Variants in WDR5B observed in about 807,000 individuals in gnomAD.
WDR5B encodes WD repeat-containing protein 5B.
In WDR5B, 17 loss-of-function variants were observed where a neutral mutation model predicts 24.0. The ratio of observed to expected loss-of-function variants is 0.71; its 90% CI spans 0.49 to 1.06. WDR5B has a LOEUF of 1.06. Ranked by LOEUF, WDR5B falls within the 50% of genes least tolerant of loss-of-function variation. The probability of loss-of-function intolerance (pLI) is 0.00; values close to 1 mark genes in which losing one functional copy is unlikely to be tolerated. For synonymous variants in WDR5B, 150 were observed against 146.4 expected, an observed-to-expected ratio of 1.02 and a Z score of -0.18; for missense variants, 368 against 384.1, an observed-to-expected ratio of 0.96 and a Z score of 0.35.
rs774422817 is a variant in WDR5B, at chr3:122,414,789, G to A, written c.740C>T (p.Thr247Ile). 6.2e-7 allele frequency: 1 copy of A among 1,614,156 alleles called. No individual in the cohort carries two copies. Among genetic ancestry groups the A allele is most frequent in the Non-Finnish European group, 8.5e-7 (1 of 1,180,030 alleles). ...WDYSRGRCLK[T>I]YTGHKNEKYC... ...TTTCTCATTCTTATGACCAGTGTAT[G>A]TTTTCAGGCACCTGCCTCTGCTATA... Residue 247 changes from threonine to isoleucine, a missense_variant, in exon 1 of 1, where the codon ACA becomes ATA. Physicochemically the swap from Thr to Ile is moderately conservative, Grantham distance 89 (BLOSUM62 -1). Coordinates refer to ENST00000330689, the MANE Select transcript of WDR5B (RefSeq NM_019069.4).
rs1245678661 is a variant in WDR5B at position 122,411,976 on chromosome 3, C to G, written c.*2560G>C. 1 of 152,202 alleles carries G rather than the reference C, an allele frequency of 6.6e-6. No homozygotes were observed. Among genetic ancestry groups the G allele is most frequent in the African/African-American group, 2.4e-5 (1 of 41,450 alleles). 9.4% of individuals were successfully genotyped at this position (152,202 alleles called of 1,614,324 possible). On this transcript the variant is annotated 3_prime_UTR_variant, in exon 1 of 1. Coordinates refer to ENST00000330689, the MANE Select transcript of WDR5B (RefSeq NM_019069.4). ...ATTTGATAACATATAGTGACTATCT[C>G]TTTATGGGTTAAATATCAGTTTCTT... is the stretch of plus-strand genomic sequence containing the variant.
rs746107404 is a variant in WDR5B at position 122,415,330 on chromosome 3, T to C, written c.199A>G (p.Ile67Val). 1 of 1,614,230 alleles carries C rather than the reference T, an allele frequency of 6.2e-7. No individual in the cohort carries two copies. Among genetic ancestry groups the C allele is most frequent in the Admixed American group, 1.7e-5 (1 of 60,026 alleles). ...ASSSADRLIIIWGAYDGKYEK... is the reference protein window; with the variant it reads ...ASSSADRLIIVWGAYDGKYEK... Reference sequence around the variant, plus strand: ...TATTTTCCATCATATGCTCCCCAAATTATGATTAGCCTATCAGCAGAAGAA... The same window carrying C: ...TATTTTCCATCATATGCTCCCCAAACTATGATTAGCCTATCAGCAGAAGAA... Residue 67 changes from isoleucine to valine, a missense_variant, in exon 1 of 1, where the codon ATT becomes GTT. By Grantham distance (29) the Ile-to-Val change is conservative. Coordinates refer to ENST00000330689, the MANE Select transcript of WDR5B (RefSeq NM_019069.4).
In WDR5B at chr3:122,414,474, C is replaced by T. The variant is rs6777596; in HGVS notation, c.*62G>A. 224,213 of 1,515,672 alleles carry T rather than the reference C, an allele frequency of 0.15. 18,067 individuals are homozygous for T. The highest frequency in any genetic ancestry group is 0.33 in the East Asian group (14,490 of 43,794). 93.9% of individuals were successfully genotyped at this position (1,515,672 alleles called of 1,614,324 possible). A position where few individuals can be genotyped will look rare whatever the true frequency, so the allele number is the denominator to read the frequency against. On this transcript the variant is annotated 3_prime_UTR_variant, in exon 1 of 1. Transcript: ENST00000330689. Reference sequence around the variant, plus strand: ...CCAAACTGCCAAAATTAAAAGAAACCGTCTTTTTAAATATCCAAGTTTTTT... The same window carrying T: ...CCAAACTGCCAAAATTAAAAGAAACTGTCTTTTTAAATATCCAAGTTTTTT...
In WDR5B at chr3:122,414,152, G is replaced by A. The variant is rs765340745; in HGVS notation, c.*384C>T. On this transcript the variant is annotated 3_prime_UTR_variant, in exon 1 of 1. Transcript: ENST00000330689. ...AGATAAACAATGTGTACACCTGGAC[G>A]TGGAGAGCAGAATCATAGACACTAG... is the stretch of plus-strand genomic sequence containing the variant. 9 of 189,476 alleles carry A rather than the reference G, an allele frequency of 4.7e-5. No homozygotes were observed. The highest frequency in any genetic ancestry group is 1.1e-4 in the Admixed American group (2 of 17,864). The allele number at this position is 189,476 out of a possible 1,614,324, so 11.7% of individuals were successfully genotyped here.
rs1217647196 is a variant in WDR5B, at chr3:122,415,860, CA to C, written c.-333del. On this transcript the variant is annotated 5_prime_UTR_variant, in exon 1 of 1. Coordinates refer to ENST00000330689, the MANE Select transcript of WDR5B (RefSeq NM_019069.4). ...GGGGCGACGCGAGGGGCACTCTCTA[CA>C]GAAAGTATTCTTTCACCGCCGCCCC... The C allele has an allele frequency of 4.1e-6, 1 of 241,012 alleles. No homozygotes were observed. The highest frequency in any genetic ancestry group is 8.6e-6 in the Non-Finnish European group (1 of 115,866). 14.9% of individuals were successfully genotyped at this position (241,012 alleles called of 1,614,324 possible).
chr3:122,414,942 G>T lies in WDR5B; in HGVS notation c.587C>A (p.Ala196Asp). The change falls in exon 1 of 1, where the codon GCT becomes GAT. Residue 196 changes from alanine to aspartate, a missense_variant. Coordinates refer to ENST00000330689, the MANE Select transcript of WDR5B (RefSeq NM_019069.4). ...CGTTTTTAAACACTGACCTGATGCAGCATCCCAGATTCTACAGAGGCCATC... is the reference window on the plus strand; with the variant it reads ...CGTTTTTAAACACTGACCTGATGCATCATCCCAGATTCTACAGAGGCCATC... ...SYDGLCRIWDAASGQCLKTLV... is the reference protein window; with the variant it reads ...SYDGLCRIWDDASGQCLKTLV... 1 of 1,614,156 alleles carries T rather than the reference G, an allele frequency of 6.2e-7. No homozygotes were observed. Among genetic ancestry groups the T allele is most frequent in the Non-Finnish European group, 8.5e-7 (1 of 1,180,034 alleles).
In WDR5B at chr3:122,412,858, C is replaced by A. The variant is rs2075711908; in HGVS notation, c.*1678G>T. 1 of 152,078 alleles carries A rather than the reference C, an allele frequency of 6.6e-6. No individual in the cohort carries two copies. The highest frequency in any genetic ancestry group is 2.1e-4 in the South Asian group (1 of 4,820). The allele number at this position is 152,078 out of a possible 1,614,324, so 9.4% of individuals were successfully genotyped here. A position where few individuals can be genotyped will look rare whatever the true frequency, so the allele number is the denominator to read the frequency against. On this transcript the variant is annotated 3_prime_UTR_variant, in exon 1 of 1. Coordinates refer to ENST00000330689, the MANE Select transcript of WDR5B (RefSeq NM_019069.4). ...ATGAACCTAACCTTGGCGTATTTTT[C>A]CGGTTTTTTTCTATGGACCATTTCA...
chr3:122,415,298 T>A lies in WDR5B; in HGVS notation c.231A>T (p.Lys77Asn), dbSNP rs1301871437. ...IWGAYDGKYE[K>N]TLYGHNLEIS... ...TTTCCAAATTATGACCATAGAGTGT[T>A]TTCTCATATTTTCCATCATATGCTC... is the stretch of plus-strand genomic sequence containing the variant. Residue 77 changes from lysine (K) to asparagine (N), a missense_variant, in exon 1 of 1, where the codon AAA (lysine) becomes AAT (asparagine). Coordinates refer to ENST00000330689, the MANE Select transcript of WDR5B (RefSeq NM_019069.4). The A allele has an allele frequency of 6.8e-6, 11 of 1,614,202 alleles. No homozygotes were observed. The highest frequency in any genetic ancestry group is 9.3e-6 in the Non-Finnish European group (11 of 1,180,042).
In WDR5B at chr3:122,415,348, CAGA is replaced by C. The variant is rs1232871066; in HGVS notation, c.178_180del (p.Ser60del). 8 of 1,614,240 alleles carry C rather than the reference CAGA, an allele frequency of 5.0e-6. No individual in the cohort carries two copies. The highest frequency in any genetic ancestry group is 4.0e-5 in the African/African-American group (3 of 75,058). On this transcript the variant is annotated inframe_deletion, in exon 1 of 1. Coordinates refer to ENST00000330689, the MANE Select transcript of WDR5B (RefSeq NM_019069.4). ...CCCCAAATTATGATTAGCCTATCAG[CAGA>C]AGAACTTGCTAGCCATTCTCCATTA... is the stretch of plus-strand genomic sequence containing the variant.
chr3:122,412,464 A>C lies in WDR5B; in HGVS notation c.*2072T>G, dbSNP rs1450338145. The C allele has an allele frequency of 6.6e-6, 1 of 152,242 alleles. No homozygotes were observed. The highest frequency in any genetic ancestry group is 6.5e-5 in the Admixed American group (1 of 15,286). The allele number at this position is 152,242 out of a possible 1,614,324, so 9.4% of individuals were successfully genotyped here. A position where few individuals can be genotyped will look rare whatever the true frequency, so the allele number is the denominator to read the frequency against. On this transcript the variant is annotated 3_prime_UTR_variant, in exon 1 of 1. Transcript: ENST00000330689. ...ACTTGAGTCCCTTTACTACACAAAA[A>C]AGCCAAAGAATACAAGAATACAGAG...
At position 122,413,327 on chromosome 3, in the gene WDR5B, G is replaced by A. The variant is rs1412570136; in HGVS notation, c.*1209C>T. The A allele has an allele frequency of 6.6e-6, 1 of 152,260 alleles. No homozygotes were observed. Among genetic ancestry groups the A allele is most frequent in the Non-Finnish European group, 1.5e-5 (1 of 68,076 alleles). The allele number at this position is 152,260 out of a possible 1,614,324, so 9.4% of individuals were successfully genotyped here. On this transcript the variant is annotated 3_prime_UTR_variant, in exon 1 of 1. Transcript: ENST00000330689. ...GCTATTATTAAAAAGTCAAAAAATG[G>A]CTGGGTACAGTGGCTCATGCCTGTA... is the stretch of plus-strand genomic sequence containing the variant.
chr3:122,415,663 A>G lies in WDR5B; in HGVS notation c.-135T>C, dbSNP rs1447587707. ...AAAATGTACAGTTTTGAAAGCTTAA[A>G]GTTTCTGGACAGTCTTTAAACTGTG... is the stretch of plus-strand genomic sequence containing the variant. On this transcript the variant is annotated 5_prime_UTR_variant, in exon 1 of 1. Coordinates refer to ENST00000330689, the MANE Select transcript of WDR5B (RefSeq NM_019069.4). 2 of 1,190,432 alleles carry G rather than the reference A, an allele frequency of 1.7e-6. No homozygotes were observed. Among genetic ancestry groups the G allele is most frequent in the African/African-American group, 3.1e-5 (2 of 64,986 alleles). 73.7% of individuals were successfully genotyped at this position (1,190,432 alleles called of 1,614,324 possible).
At position 122,415,333 on chromosome 3, in the gene WDR5B, T is replaced by C. The variant is rs1245462011; in HGVS notation, c.196A>G (p.Ile66Val). Residue 66 changes from isoleucine to valine, a missense_variant, in exon 1 of 1, where the codon ATA (isoleucine) becomes GTA (valine). Coordinates refer to ENST00000330689, the MANE Select transcript of WDR5B (RefSeq NM_019069.4). ...TTTCCATCATATGCTCCCCAAATTA[T>C]GATTAGCCTATCAGCAGAAGAACTT... ...LASSSADRLI[I>V]IWGAYDGKYE... 6.2e-7 allele frequency: 1 copy of C among 1,614,264 alleles called. No homozygotes were observed. The highest frequency in any genetic ancestry group is 1.3e-5 in the African/African-American group (1 of 75,066).
In WDR5B at chr3:122,414,702, T is replaced by C. The variant is rs780599908; in HGVS notation, c.827A>G (p.Asp276Gly). The C allele has an allele frequency of 3.7e-6, 6 of 1,614,222 alleles. No homozygotes were observed. Among genetic ancestry groups the C allele is most frequent in the Non-Finnish European group, 5.1e-6 (6 of 1,180,040 alleles). Reference protein sequence around the residue: ...GGKWIVSGSEDNLVYIWNLQT... With the variant: ...GGKWIVSGSEGNLVYIWNLQT... Reference sequence around the variant, plus strand: ...AAGGTTCCAAATGTAAACCAGGTTATCCTCGGAACCAGACACAATCCACTT... The same window carrying C: ...AAGGTTCCAAATGTAAACCAGGTTACCCTCGGAACCAGACACAATCCACTT... Residue 276 changes from aspartate (D) to glycine (G), a missense_variant, in exon 1 of 1, where the codon GAT becomes GGT. Physicochemically the swap from Asp to Gly is moderately conservative, Grantham distance 94. Transcript: ENST00000330689.
Position 122,415,406 on chromosome 3 carries a change from C to A in WDR5B, c.123G>T (p.Thr41=), listed in dbSNP as rs1432860056. 1.9e-6 allele frequency: 3 copies of A among 1,614,106 alleles called. No individual in the cohort carries two copies. Among genetic ancestry groups the A allele is most frequent in the Middle Eastern group, 1.6e-4 (1 of 6,084 alleles). The change falls in exon 1 of 1, where the codon ACG becomes ACT. Residue 41 remains threonine, a synonymous_variant. Transcript: ENST00000330689. ...YALKCTLVGH[T]EAVSSVKFSP... ...TAAACTTAACTGATGACACTGCTTC[C>A]GTGTGTCCCACAAGAGTACATTTGA...
rs1553777913 is a variant in WDR5B, at chr3:122,412,142, T to C, written c.*2394A>G. 1 of 152,170 alleles carries C rather than the reference T, an allele frequency of 6.6e-6. No homozygotes were observed. Among genetic ancestry groups the C allele is most frequent in the Non-Finnish European group, 1.5e-5 (1 of 68,018 alleles). 9.4% of individuals were successfully genotyped at this position (152,170 alleles called of 1,614,324 possible). On this transcript the variant is annotated 3_prime_UTR_variant, in exon 1 of 1. Coordinates refer to ENST00000330689, the MANE Select transcript of WDR5B (RefSeq NM_019069.4). Reference sequence around the variant, plus strand: ...AAACTGAATGAGCACTACTATAAGGTACCACAAACTACAAAAGGAGACAGT... The same window carrying C: ...AAACTGAATGAGCACTACTATAAGGCACCACAAACTACAAAAGGAGACAGT...
Position 122,412,568 on chromosome 3 carries a change from T to C in WDR5B, c.*1968A>G, listed in dbSNP as rs561442956. 3.3e-5 allele frequency: 5 copies of C among 152,258 alleles called. No homozygotes were observed. The highest frequency in any genetic ancestry group is 4.1e-4 in the South Asian group (2 of 4,822). 9.4% of individuals were successfully genotyped at this position (152,258 alleles called of 1,614,324 possible). A position where few individuals can be genotyped will look rare whatever the true frequency, so the allele number is the denominator to read the frequency against. ...CATTTCAGTACAAACTGGTAAATAA[T>C]AGGGACAGGAAAACCTAACTAACTC... On this transcript the variant is annotated 3_prime_UTR_variant, in exon 1 of 1. Coordinates refer to ENST00000330689, the MANE Select transcript of WDR5B (RefSeq NM_019069.4).
At position 122,414,699 on chromosome 3, in the gene WDR5B, T is replaced by G; in HGVS notation, c.830A>C (p.Asn277Thr). ...CTGAAGGTTCCAAATGTAAACCAGG[T>G]TATCCTCGGAACCAGACACAATCCA... ...GKWIVSGSED[N>T]LVYIWNLQTK... The change falls in exon 1 of 1, where the codon AAC becomes ACC. Residue 277 changes from asparagine (N) to threonine (T), a missense_variant. Physicochemically the swap from Asn to Thr is moderately conservative, Grantham distance 65. Coordinates refer to ENST00000330689, the MANE Select transcript of WDR5B (RefSeq NM_019069.4). 1 of 1,614,224 alleles carries G rather than the reference T, an allele frequency of 6.2e-7. No individual in the cohort carries two copies. Among genetic ancestry groups the G allele is most frequent in the Non-Finnish European group, 8.5e-7 (1 of 1,180,038 alleles).
In WDR5B at chr3:122,414,931, G is replaced by C; in HGVS notation, c.598C>G (p.Gln200Glu). The C allele has an allele frequency of 6.2e-7, 1 of 1,614,136 alleles. No homozygotes were observed. The highest frequency in any genetic ancestry group is 8.5e-7 in the Non-Finnish European group (1 of 1,180,022). ...LCRIWDAASG[Q>E]CLKTLVDDDN... is the part of the protein sequence containing the mutation. ...TCATCAACGAGCGTTTTTAAACACTGACCTGATGCAGCATCCCAGATTCTA... is the reference window on the plus strand; with the variant it reads ...TCATCAACGAGCGTTTTTAAACACTCACCTGATGCAGCATCCCAGATTCTA... Residue 200 changes from glutamine (Q) to glutamate (E), a missense_variant, in exon 1 of 1, where the codon CAG (glutamine) becomes GAG (glutamate). Transcript: ENST00000330689.
Sources: gnomAD v4.1 joint callset for allele counts on GRCh38, gnomAD v4.1.1 for gene constraint, MANE v1.5 for transcripts, NCBI Gene and HGNC (gene_info 2026-07-23, HGNC 2026-07-21) for gene names.